Variants in CCM2 observed in about 807,000 individuals in gnomAD.
CCM2 encodes the protein CCM2 scaffold protein, also known as cerebral cavernous malformations 2 protein.
CCM2 carries 25 observed loss-of-function variants against 44.9 expected under a neutral mutation model. That is an observed-to-expected ratio of 0.56 (90% confidence interval 0.41 to 0.78). CCM2 has a LOEUF of 0.78. CCM2 is among the 30% of genes least tolerant of loss of function. The probability of loss-of-function intolerance (pLI) is 0.00; values close to 1 mark genes in which losing one functional copy is unlikely to be tolerated. For missense variants in CCM2, 481 were observed against 580.6 expected (o/e 0.83, Z 1.76); for synonymous variants, 219 against 241.1 (o/e 0.91, Z 0.85).
chr7:45,011,599 T>C (rs1356059361), intron 1 of CCM2, among the ~76,000 whole-genome samples: 1 of 152,150 alleles, frequency 6.6e-6, no homozygotes, highest in African/African-American at 2.4e-5. Context: ...TTGCCCAGGC[T>C]GGGGTGCAGT....
intron 4 of CCM2, chr7:45,068,001 A>G: frequency 4.0e-6 from 1 of 249,902 alleles, no homozygotes; most frequent in South Asian, 4.8e-5. Context: ...AGGATGTTAG[A>G]AACAAGGGCA....
chr7:45,032,804 G>A (rs1797029020), intron 1 of CCM2, among the ~76,000 whole-genome samples: 1 of 152,088 alleles, frequency 6.6e-6, no homozygotes, highest in South Asian at 2.1e-4. Context: ...ACTTTGGGAG[G>A]CTGAGGCTGG....
At position 45,066,528 on chromosome 7, in the gene CCM2, C is replaced by T. The variant is rs12672712; in HGVS notation, c.472+1882C>T. On this transcript the variant is annotated intron_variant, in intron 4 of 9. Transcript: ENST00000258781. Reference sequence around the variant, plus strand: ...TGAATAGCTAACGTTTACTTGGTGCCTGCTATGTGCAAGCAAGTCTCTGTG... The same window carrying T: ...TGAATAGCTAACGTTTACTTGGTGCTTGCTATGTGCAAGCAAGTCTCTGTG... Among the ~76,000 whole-genome samples, 9 of 152,204 alleles carry T rather than the reference C, an allele frequency of 5.9e-5. No individual in the cohort carries two copies. The East Asian group carries it at 1.7e-3, about 29-fold the overall frequency.
intron 1 of CCM2, among the ~76,000 whole-genome samples, chr7:45,036,171 CAG>C (rs552479596): frequency 1.2e-3 from 184 of 152,256 alleles, no homozygotes; most frequent in Non-Finnish European, 2.1e-3. Flanking sequence ...GCAGGAAACA[CAG>C]GGGACAGAGT....
chr7:45,013,522 T>C (rs1796145163), intron 1 of CCM2, among the ~76,000 whole-genome samples: 2 of 152,178 alleles, frequency 1.3e-5, no homozygotes, highest in South Asian at 4.1e-4. Flanking sequence ...ACACTTCAAC[T>C]GTACCTTCCT....
At chr7:45,041,504 G>A (rs572214132) in intron 2 of CCM2, among the ~76,000 whole-genome samples, 102 of 152,248 alleles carry the variant, frequency 6.7e-4, no homozygotes, top group African/African-American at 2.2e-3. Flanking sequence ...ACTATGAGCC[G>A]AAGAAACTGG....
At chr7:45,000,943 A>G (rs1336881268) in intron 1 of CCM2, among the ~76,000 whole-genome samples, 1 of 152,250 alleles carries the variant, frequency 6.6e-6, no homozygotes, top group Non-Finnish European at 1.5e-5. Context: ...GTAAAGGGTT[A>G]TAGTAGTCGA....
chr7:45,058,245 G>C (rs1270043642), intron 2 of CCM2, among the ~76,000 whole-genome samples: 1 of 152,148 alleles, frequency 6.6e-6, no homozygotes, highest in Non-Finnish European at 1.5e-5. Flanking sequence ...TGATAAGAGG[G>C]GACATCTTTG....
chr7:45,068,607 G>C (rs1176788673), intron 5 of CCM2, 28 bp downstream of exon 5: 1 of 1,612,996 alleles, frequency 6.2e-7, no homozygotes, highest in East Asian at 2.2e-5. Context: ...CACTTACTCA[G>C]AACTGGCTCC....
chr7:45,061,456 C>CTTTTT (rs57140747), intron 2 of CCM2, among the ~76,000 whole-genome samples: 94 of 122,266 alleles, frequency 7.7e-4, no homozygotes, highest in African/African-American at 1.8e-3. Flanking sequence ...TTCTTTCTTT[C>CTTTTT]TTTTTTTTTT....
At chr7:45,072,818 C>T (rs1380791670) in intron 7 of CCM2, 35 bp downstream of exon 7, 2 of 1,560,350 alleles carry the variant, frequency 1.3e-6, no homozygotes, top group Non-Finnish European at 1.8e-6. Context: ...TGCGGTGGGA[C>T]ACGCACCAAA....
At chr7:45,075,687 G>A (rs1784200540) in intron 9 of CCM2, 90 bp from the exon 10 acceptor site, 30 of 1,529,902 alleles carry the variant, frequency 2.0e-5, no homozygotes, top group African/African-American at 2.7e-5. Flanking sequence ...GGGCAGCTGT[G>A]GCCCTGTCAG....
chr7:45,071,983 T>C (rs1799100843), intron 6 of CCM2: 1 of 390,738 alleles, frequency 2.6e-6, no homozygotes, highest in Non-Finnish European at 5.1e-6. Context: ...CCTCCATACT[T>C]ACCTTGTTCC....
chr7:45,004,996 CA>C (rs57545850), intron 1 of CCM2, among the ~76,000 whole-genome samples: 100,582 of 139,704 alleles, frequency 0.72, 35,699 homozygotes, highest in African/African-American at 0.86. Flanking sequence ...GACTCCGTCT[CA>C]AAAAAAAAAA....
intron 2 of CCM2, chr7:45,063,066 CTCTTTTCTT>C (rs1007295865): frequency 6.9e-6 from 1 of 145,336 alleles, no homozygotes; most frequent in Non-Finnish European, 1.5e-5. Context: ...GCCTAATCAG[CTCTTTTCTT>C]TCTTTTTTTT....
rs560275058 is a variant in CCM2, at chr7:45,076,256, G to A, written c.*199G>A. Reference sequence around the variant, plus strand: ...GGGACACGAGCCTCAGTGCGGGGTGGAAGGCTCTTTGCCTTGTCCACCAGG... The same window carrying A: ...GGGACACGAGCCTCAGTGCGGGGTGAAAGGCTCTTTGCCTTGTCCACCAGG... On this transcript the variant is annotated 3_prime_UTR_variant, in exon 10 of 10. Coordinates refer to ENST00000258781, the MANE Select transcript of CCM2 (RefSeq NM_031443.4). 1 of 779,842 alleles carries A rather than the reference G, an allele frequency of 1.3e-6. No homozygotes were observed. Among genetic ancestry groups the A allele is most frequent in the Non-Finnish European group, 2.2e-6 (1 of 460,030 alleles). 48.3% of individuals were successfully genotyped at this position (779,842 alleles called of 1,614,324 possible).
chr7:45,004,330 C>T (rs1370750584), intron 1 of CCM2, among the ~76,000 whole-genome samples: 1 of 152,128 alleles, frequency 6.6e-6, no homozygotes, highest in African/African-American at 2.4e-5. Flanking sequence ...AATATGATTT[C>T]TGGGATTTGC....
intron 2 of CCM2, among the ~76,000 whole-genome samples, chr7:45,056,713 T>A (rs1030992375): frequency 1.3e-5 from 2 of 152,198 alleles, no homozygotes; most frequent in Non-Finnish European, 2.9e-5. Flanking sequence ...CTTTATATAT[T>A]TTAGATATTA....
At position 45,074,309 on chromosome 7, in the gene CCM2, GCAGCACTGCTGCACGAGTA is replaced by G; in HGVS notation, c.957_975del (p.Leu321MetfsTer27). ...GTCATCACAGGAGATCCAGCAGTTT[GCAGCACTGCTGCACGAGTA>G]CCGCAATGGGGCCTCTATCCACGAG... On this transcript the variant is annotated frameshift_variant, in exon 9 of 10. Coordinates refer to ENST00000258781, the MANE Select transcript of CCM2 (RefSeq NM_031443.4). LOFTEE classifies it high-confidence loss of function. 6.2e-7 allele frequency: 1 copy of G among 1,613,786 alleles called. No individual in the cohort carries two copies. The highest frequency in any genetic ancestry group is 8.5e-7 in the Non-Finnish European group (1 of 1,180,026).
Sources: gnomAD v4.1 joint callset for allele counts (sites outside exome capture counted in the v4.1 genomes callset) on GRCh38, gnomAD v4.1.1 for gene constraint, MANE v1.5 for transcripts, NCBI Gene and HGNC (gene_info 2026-07-23, HGNC 2026-07-21) for gene names.